Variants in ACAD10 observed in about 807,000 individuals in gnomAD.
ACAD10 encodes ACAD-10.
In ACAD10, 112 loss-of-function variants were observed where a neutral mutation model predicts 116.8. The ratio of observed to expected loss-of-function variants is 0.96; its 90% CI spans 0.82 to 1.12. The LOEUF is 1.12. Ranked by LOEUF, ACAD10 falls within the 50% of genes most tolerant of loss-of-function variation. ACAD10 has a pLI of 0.00. For synonymous variants in ACAD10, 486 were observed against 510.6 expected, an observed-to-expected ratio of 0.95 and a Z score of 0.65; for missense variants, 1,259 against 1,350.2, an observed-to-expected ratio of 0.93 and a Z score of 1.06.
At chr12:111,733,346 C>T (rs976327496) in intron 10 of ACAD10, among the ~76,000 whole-genome samples, 19 of 151,994 alleles carry the variant, frequency 1.3e-4, no homozygotes, top group African/African-American at 1.7e-4. Context: ...AGCAGTCCTC[C>T]GAAAATGTGG....
intron 2 of ACAD10, among the ~76,000 whole-genome samples, chr12:111,694,248 G>T (rs920380729): frequency 2.0e-5 from 3 of 152,166 alleles, no homozygotes; most frequent in African/African-American, 7.2e-5. Flanking sequence ...CTACGCCTGA[G>T]CCTCTCTGTT....
At chr12:111,705,697 C>T in intron 3 of ACAD10, 41 bp from the exon 4 acceptor site, 9 of 1,565,220 alleles carry the variant, frequency 5.7e-6, no homozygotes, top group Middle Eastern at 1.8e-4. Flanking sequence ...GTTTGTCACT[C>T]TTAATGATTG....
rs1593061460 is a variant in ACAD10, at chr12:111,756,519, G to A, written c.*46G>A. 1.2e-6 allele frequency: 2 copies of A among 1,600,888 alleles called. No homozygotes were observed. Among genetic ancestry groups the A allele is most frequent in the Non-Finnish European group, 8.5e-7 (1 of 1,176,906 alleles). ...TCAATGTCCTGGCTGGTCCAGCTGTGCCCAGATCTGTCACTGATGTGCCTC... is the reference window on the plus strand; with the variant it reads ...TCAATGTCCTGGCTGGTCCAGCTGTACCCAGATCTGTCACTGATGTGCCTC... On this transcript the variant is annotated 3_prime_UTR_variant, in exon 21 of 21. Transcript: ENST00000313698.
At chr12:111,738,942 T>A (rs1335273666) in intron 12 of ACAD10, among the ~76,000 whole-genome samples, 1 of 133,046 alleles carries the variant, frequency 7.5e-6, no homozygotes, top group African/African-American at 2.9e-5. Flanking sequence ...GTCTCATTGA[T>A]GACCTCAGAG....
intron 7 of ACAD10, among the ~76,000 whole-genome samples, chr12:111,716,204 C>T (rs372377017): frequency 6.6e-6 from 1 of 151,936 alleles, no homozygotes. Flanking sequence ...GTTTCTACCC[C>T]CCATCCCCCC....
chr12:111,719,928 C>G (rs1452310009), intron 7 of ACAD10, among the ~76,000 whole-genome samples: 1 of 151,960 alleles, frequency 6.6e-6, no homozygotes, highest in Non-Finnish European at 1.5e-5. Flanking sequence ...GGAGTTTCAC[C>G]ATGTTAGCTA....
At position 111,749,241 on chromosome 12, in the gene ACAD10, C is replaced by G; in HGVS notation, c.2713C>G (p.Arg905Gly). The G allele has an allele frequency of 6.2e-7, 1 of 1,614,078 alleles. No homozygotes were observed. Among genetic ancestry groups the G allele is most frequent in the South Asian group, 1.1e-5 (1 of 91,084 alleles). Residue 905 changes from arginine (R) to glycine (G), a missense_variant, in exon 18 of 21, where the codon CGA (arginine) becomes GGA (glycine). Coordinates refer to ENST00000313698, the MANE Select transcript of ACAD10 (RefSeq NM_025247.6). ...PKENMVLGPGRGFEIAQGRLG... is the reference protein window; with the variant it reads ...PKENMVLGPGGGFEIAQGRLG... ...AGAGAACATGGTCCTGGGCCCTGGC[C>G]GAGGCTTTGAGATCGCCCAGGGCAG...
At chr12:111,742,543 C>CT (rs1320131750) in intron 12 of ACAD10, among the ~76,000 whole-genome samples, 6 of 152,162 alleles carry the variant, frequency 3.9e-5, no homozygotes, top group African/African-American at 1.2e-4. Context: ...TTTAAACTAT[C>CT]TTTAACACCA....
chr12:111,709,544 G>A lies in ACAD10; in HGVS notation c.550G>A (p.Glu184Lys). The change falls in exon 5 of 21, where the codon GAA (glutamate) becomes AAA (lysine). Residue 184 changes from glutamate (E) to lysine (K), a missense_variant. Transcript: ENST00000313698. Reference sequence around the variant, plus strand: ...CCATCAGATTGTGGAGTCCTGCATGGAAGGGATCTGTAAGCCAGACCCTAG... The same window carrying A: ...CCATCAGATTGTGGAGTCCTGCATGAAAGGGATCTGTAAGCCAGACCCTAG... ...QFDVIVESCM[E>K]GICKPDPRIY... is the part of the protein sequence containing the mutation. 4 of 1,605,466 alleles carry A rather than the reference G, an allele frequency of 2.5e-6. No individual in the cohort carries two copies. The highest frequency in any genetic ancestry group is 3.4e-6 in the Non-Finnish European group (4 of 1,177,208).
At position 111,747,083 on chromosome 12, in the gene ACAD10, T is replaced by C. The variant is rs903182175; in HGVS notation, c.2291T>C (p.Met764Thr). ...CNCSAPDTGN[M>T]ELLVRYGTEA... Reference sequence around the variant, plus strand: ...TGCTCTGCGCCTGACACGGGCAACATGGAGCTGCTGGTGAGGTATGGCACC... The same window carrying C: ...TGCTCTGCGCCTGACACGGGCAACACGGAGCTGCTGGTGAGGTATGGCACC... Residue 764 changes from methionine to threonine, a missense_variant, in exon 15 of 21, where the codon ATG becomes ACG. Coordinates refer to ENST00000313698, the MANE Select transcript of ACAD10 (RefSeq NM_025247.6). 12 of 1,612,268 alleles carry C rather than the reference T, an allele frequency of 7.4e-6. No homozygotes were observed. The highest frequency in any genetic ancestry group is 1.0e-5 in the Non-Finnish European group (12 of 1,178,776).
chr12:111,723,787 A>C (rs1187652565), intron 8 of ACAD10, among the ~76,000 whole-genome samples: 1 of 148,148 alleles, frequency 6.8e-6, no homozygotes, highest in Non-Finnish European at 1.5e-5. Flanking sequence ...CTCACTTCTC[A>C]GATGGGGCGG....
chr12:111,706,047 A>G (rs2135953178), intron 4 of ACAD10, 115 bp downstream of exon 4: 2 of 1,126,442 alleles, frequency 1.8e-6, no homozygotes, highest in Non-Finnish European at 2.6e-6. Flanking sequence ...TCCTTCAGCC[A>G]CTTGACTAAG....
chr12:111,745,044 G>T lies in ACAD10; in HGVS notation c.2115+1G>T. On this transcript the variant is annotated splice_donor_variant, in intron 13 of 20. Coordinates refer to ENST00000313698, the MANE Select transcript of ACAD10 (RefSeq NM_025247.6). LOFTEE classifies it high-confidence loss of function. ...CTCCCCACTGATCGAAGACCTCAAG[G>T]TAAAGCAGCCATGGTGAGGTGGTAA... 1 of 1,610,592 alleles carries T rather than the reference G, an allele frequency of 6.2e-7. No homozygotes were observed. The highest frequency in any genetic ancestry group is 8.5e-7 in the Non-Finnish European group (1 of 1,178,630).
chr12:111,716,080 T>C (rs1336814448), intron 7 of ACAD10, 118 bp downstream of exon 7: 1 of 1,412,772 alleles, frequency 7.1e-7, no homozygotes, highest in Non-Finnish European at 9.7e-7. Flanking sequence ...AAACTACAAT[T>C]ATGGGCCAGG....
Position 111,710,957 on chromosome 12 carries a change from C to G in ACAD10, c.690+1273C>G, listed in dbSNP as rs1865031329. 3.9e-5 allele frequency among the ~76,000 whole-genome samples: 6 copies of G among 152,184 alleles called. No homozygotes were observed. In the South Asian group the frequency reaches 1.2e-3, roughly 32 times the overall value. ...GCTTCTCTCTGCAGGATAGAAAGTT[C>G]AGTGTGGTTAGGAGTTAAATGGGAA... On this transcript the variant is annotated intron_variant, in intron 5 of 20. Transcript: ENST00000313698.
At chr12:111,704,117 T>C (rs1403460492) in intron 3 of ACAD10, among the ~76,000 whole-genome samples, 1 of 151,718 alleles carries the variant, frequency 6.6e-6, no homozygotes, top group Non-Finnish European at 1.5e-5. Context: ...GGAGTGACTG[T>C]TAATGGGTAC....
intron 2 of ACAD10, 146 bp downstream of exon 2, chr12:111,693,042 C>T (rs1888100021): frequency 6.1e-6 from 5 of 824,300 alleles, no homozygotes; most frequent in African/African-American, 1.7e-5. Flanking sequence ...CCAAGCACCA[C>T]TAGGGGGCTG....
chr12:111,711,106 A>G (rs1888664678), intron 5 of ACAD10, among the ~76,000 whole-genome samples: 1 of 152,242 alleles, frequency 6.6e-6, no homozygotes, highest in East Asian at 1.9e-4. Context: ...AGTAAAGTAG[A>G]GGTTCTTCTT....
intron 2 of ACAD10, among the ~76,000 whole-genome samples, chr12:111,697,819 G>A (rs889175521): frequency 6.6e-6 from 1 of 151,814 alleles, no homozygotes. Flanking sequence ...CTCCTGATCT[G>A]GTGGTCCGCC....
Sources: allele counts gnomAD v4.1 joint callset (sites outside exome capture counted in the v4.1 genomes callset), GRCh38; gene constraint gnomAD v4.1.1; transcripts MANE v1.5; gene names NCBI Gene and HGNC (gene_info 2026-07-23, HGNC 2026-07-21).